CPA4: variants seen among roughly 807,000 people sequenced by gnomAD.
CPA4 encodes the protein carboxypeptidase A4.
Under a neutral mutation model 54.7 loss-of-function variants are expected in CPA4, and 49 were observed. That is an observed-to-expected ratio of 0.90 (90% CI 0.71 to 1.14). The LOEUF is 1.14. Among genes scored for constraint, CPA4 ranks in the 50% most tolerant of loss-of-function variants. The pLI is 0.00. For missense variants in CPA4, 487 were observed against 525.1 expected, an observed-to-expected ratio of 0.93 and a Z score of 0.71; for synonymous variants, 215 against 206.8, an observed-to-expected ratio of 1.04 and a Z score of -0.34.
At chr7:130,303,373 A>G (rs1793768361) in intron 4 of CPA4, among the ~76,000 whole-genome samples, 1 of 152,262 alleles carries the variant, frequency 6.6e-6, no homozygotes, top group Admixed American at 6.5e-5. Flanking sequence ...TATCCACAGG[A>G]TGTAAGCAAG....
chr7:130,297,094 G>T (rs1793661864), intron 1 of CPA4, among the ~76,000 whole-genome samples: 1 of 152,016 alleles, frequency 6.6e-6, no homozygotes, highest in East Asian at 1.9e-4. Flanking sequence ...CTGGCCTACA[G>T]GTGTGAACCA....
At chr7:130,319,626 C>T (rs1794054520) in intron 10 of CPA4, among the ~76,000 whole-genome samples, 1 of 152,052 alleles carries the variant, frequency 6.6e-6, no homozygotes, top group Admixed American at 6.6e-5. Flanking sequence ...CTTTTTCATA[C>T]AGGAGGGAGG....
At chr7:130,298,105 G>A (rs1459647735) in intron 1 of CPA4, among the ~76,000 whole-genome samples, 3 of 152,224 alleles carry the variant, frequency 2.0e-5, no homozygotes, top group South Asian at 2.1e-4. Context: ...CCACCCAAAC[G>A]AGCCTCTGTG....
chr7:130,304,645 T>C (rs143598502), intron 5 of CPA4, 66 bp downstream of exon 5: 8 of 965,030 alleles, frequency 8.3e-6, no homozygotes, highest in African/African-American at 6.4e-5. Context: ...CTCAGACCTC[T>C]GAAAAGGGTA....
rs144938481 is a variant in CPA4, at chr7:130,299,470, C to T, written c.285+66C>T. On this transcript the variant is annotated intron_variant, in intron 3 of 10. Transcript: ENST00000222482. Reference sequence around the variant, plus strand: ...ACCAGGCAGCCAGTCCAGAGTAGACCGGAGTGATTTGCAAGTTCTGGTTTT... The same window carrying T: ...ACCAGGCAGCCAGTCCAGAGTAGACTGGAGTGATTTGCAAGTTCTGGTTTT... The T allele has an allele frequency of 8.7e-4, 1,282 of 1,466,794 alleles. 6 individuals are homozygous for T. The African/African-American group carries it at 0.014, about 16-fold the overall frequency. 90.9% of individuals were successfully genotyped at this position (1,466,794 alleles called of 1,614,324 possible).
intron 4 of CPA4, among the ~76,000 whole-genome samples, chr7:130,304,208 C>T (rs1793782349): frequency 6.6e-6 from 1 of 152,110 alleles, no homozygotes; most frequent in South Asian, 2.1e-4. Context: ...ACAAAGGACA[C>T]AGTGTTAGAG....
chr7:130,315,419 C>T (rs926597445), intron 10 of CPA4, among the ~76,000 whole-genome samples: 1 of 142,862 alleles, frequency 7.0e-6, no homozygotes, highest in Non-Finnish European at 1.6e-5. Flanking sequence ...GGAGTGAGTA[C>T]TTGGTGAGGG....
chr7:130,317,825 C>G (rs1794013898), intron 10 of CPA4, among the ~76,000 whole-genome samples: 1 of 152,044 alleles, frequency 6.6e-6, no homozygotes, highest in Non-Finnish European at 1.5e-5. Context: ...CCTCAGAACC[C>G]CTGCAAACTC....
intron 3 of CPA4, 77 bp downstream of exon 3, chr7:130,299,481 G>A: frequency 7.3e-7 from 1 of 1,366,258 alleles, no homozygotes. Flanking sequence ...GGAGTGATTT[G>A]CAAGTTCTGG....
chr7:130,308,824 T>C (rs1224667632), intron 8 of CPA4, among the ~76,000 whole-genome samples: 2 of 147,452 alleles, frequency 1.4e-5, no homozygotes, highest in Admixed American at 1.4e-4. Context: ...GTGCTGGGAG[T>C]ATAGCCGTAA....
At chr7:130,314,805 A>G (rs1403447398) in intron 10 of CPA4, among the ~76,000 whole-genome samples, 1 of 152,212 alleles carries the variant, frequency 6.6e-6, no homozygotes, top group East Asian at 1.9e-4. Context: ...TAAGAGTACC[A>G]CTGAAGGGCT....
intron 1 of CPA4, among the ~76,000 whole-genome samples, chr7:130,295,770 G>A (rs567133374): frequency 2.6e-5 from 4 of 152,128 alleles, no homozygotes; most frequent in South Asian, 4.2e-4. Context: ...ACCTGAGGTC[G>A]GGAGTTCGAG....
intron 5 of CPA4, 142 bp from the exon 6 acceptor site, chr7:130,305,674 G>A (rs1209017984): frequency 1.4e-5 from 10 of 706,204 alleles, no homozygotes; most frequent in South Asian, 7.0e-5. Context: ...GGATAAGCTC[G>A]ATAAATAGAT....
chr7:130,302,488 C>CA (rs35708499), intron 4 of CPA4, among the ~76,000 whole-genome samples: 2,000 of 79,326 alleles, frequency 0.025, 27 homozygotes, highest in East Asian at 0.06. Flanking sequence ...GACTCTGTCT[C>CA]AAAAAAAAAA....
intron 10 of CPA4, among the ~76,000 whole-genome samples, chr7:130,318,486 A>G (rs532909256): frequency 6.6e-6 from 1 of 152,250 alleles, no homozygotes; most frequent in Non-Finnish European, 1.5e-5. Context: ...ATCTCCACTC[A>G]TCACAACTTC....
Position 130,308,397 on chromosome 7 carries a change from G to A in CPA4, c.793G>A (p.Gly265Arg). Reference protein sequence around the residue: ...PNRNWNASFAGKGASDNPCSE... With the variant: ...PNRNWNASFARKGASDNPCSE... ...TAGAAACTGGAACGCTAGTTTTGCAGGTAGGCGGTGGGGAGACAGTTCTCA... is the reference window on the plus strand; with the variant it reads ...TAGAAACTGGAACGCTAGTTTTGCAAGTAGGCGGTGGGGAGACAGTTCTCA... Residue 265 changes from glycine (G) to arginine (R), a missense_variant and splice_region_variant, in exon 8 of 11, where the codon GGA (glycine) becomes AGA (arginine). Gly to Arg is a moderately radical substitution (Grantham distance 125). Transcript: ENST00000222482. The A allele has an allele frequency of 1.2e-6, 2 of 1,612,436 alleles. No individual in the cohort carries two copies. Among genetic ancestry groups the A allele is most frequent in the South Asian group, 1.1e-5 (1 of 91,056 alleles).
intron 1 of CPA4, 143 bp from the exon 2 acceptor site, chr7:130,298,603 T>C: frequency 3.6e-6 from 2 of 556,860 alleles, no homozygotes; most frequent in African/African-American, 3.7e-5. Context: ...TCATTTTTAA[T>C]GGCCATACAT....
Position 130,293,223 on chromosome 7 carries a change from A to G in CPA4, c.43A>G (p.Ile15Val), listed in dbSNP as rs1235160051. 2 of 1,612,482 alleles carry G rather than the reference A, an allele frequency of 1.2e-6. No individual in the cohort carries two copies. Among genetic ancestry groups the G allele is most frequent in the Non-Finnish European group, 1.7e-6 (2 of 1,178,804 alleles). The change falls in exon 1 of 11, where the codon ATC becomes GTC. Residue 15 changes from isoleucine to valine, a missense_variant. Physicochemically the swap from Ile to Val is conservative, Grantham distance 29. Coordinates refer to ENST00000222482, the MANE Select transcript of CPA4 (RefSeq NM_016352.4). ...LFIGALIGSS[I>V]CGQEKFFGDQ... is the part of the protein sequence containing the mutation. Reference sequence around the variant, plus strand: ...CATTGGGGCCCTTATTGGGTCCAGCATCTGTGGCCAAGAAAAATTTTTTGG... The same window carrying G: ...CATTGGGGCCCTTATTGGGTCCAGCGTCTGTGGCCAAGAAAAATTTTTTGG...
intron 5 of CPA4, 40 bp from the exon 6 acceptor site, chr7:130,305,776 G>T (rs372218349): frequency 7.1e-7 from 1 of 1,418,200 alleles, no homozygotes; most frequent in South Asian, 1.1e-5. Flanking sequence ...GCAGAGATGC[G>T]GGCAGGCGGT....
Sources: allele counts gnomAD v4.1 joint callset (sites outside exome capture counted in the v4.1 genomes callset), GRCh38; gene constraint gnomAD v4.1.1; transcripts MANE v1.5; gene names NCBI Gene and HGNC (gene_info 2026-07-23, HGNC 2026-07-21).